The following URI1 variants were observed in gnomAD, a reference collection of about 807,000 sequenced individuals.
The protein encoded by URI1 is URI1 prefoldin like chaperone.
Under a neutral mutation model 60.2 loss-of-function variants are expected in URI1, and 39 were observed. The ratio of observed to expected loss-of-function variants is 0.65; its 90% confidence interval spans 0.50 to 0.85. The LOEUF is 0.85. Ranked by LOEUF, URI1 falls within the 40% of genes least tolerant of loss-of-function variation. The pLI, the probability that URI1 is intolerant of heterozygous loss-of-function variation, is 0.00. For synonymous variants in URI1, 251 were observed against 236.8 expected (o/e 1.06, Z -0.55); for missense variants, 691 against 665.9 (o/e 1.04, Z -0.42).
intron 2 of URI1, among the ~76,000 whole-genome samples, chr19:29,973,306 C>A (rs1287480292): frequency 6.6e-6 from 1 of 152,036 alleles, no homozygotes; most frequent in Non-Finnish European, 1.5e-5. Context: ...GTGCTATTTG[C>A]GGAGATATGA....
At chr19:29,965,887 A>C (rs1036028526) in intron 1 of URI1, among the ~76,000 whole-genome samples, 1 of 152,242 alleles carries the variant, frequency 6.6e-6, no homozygotes, top group African/African-American at 2.4e-5. Flanking sequence ...GTGTAAAACG[A>C]GACTAGATTG....
At chr19:29,937,904 C>G (rs1424501997), upstream of URI1, 1 of 152,146 alleles carries the variant, frequency 6.6e-6, no homozygotes, top group Admixed American at 6.5e-5. Flanking sequence ...AGAAATGGGG[C>G]ATGGCAGCTG....
chr19:29,965,798 A>G (rs1232316860), intron 1 of URI1, among the ~76,000 whole-genome samples: 1 of 152,136 alleles, frequency 6.6e-6, no homozygotes, highest in East Asian at 1.9e-4. Context: ...GAAAGAAAAA[A>G]AGAGCCCAGT....
intron 4 of URI1, among the ~76,000 whole-genome samples, chr19:30,002,136 T>C (rs1468840446): frequency 2.0e-5 from 3 of 152,028 alleles, no homozygotes; most frequent in African/African-American, 7.2e-5. Context: ...TACATATGAA[T>C]ATATGGCTAA....
chr19:29,936,900 G>A (rs565177490), intron 1 of URI1, among the ~76,000 whole-genome samples: 21 of 152,130 alleles, frequency 1.4e-4, no homozygotes, highest in African/African-American at 3.6e-4. Flanking sequence ...TTACAGGTGC[G>A]CGTCACAATG....
intron 10 of URI1, among the ~76,000 whole-genome samples, chr19:30,013,429 G>A (rs1254838755): frequency 6.6e-6 from 1 of 152,100 alleles, no homozygotes; most frequent in Non-Finnish European, 1.5e-5. Context: ...CCTCTTCTTA[G>A]TATAATGATC....
intron 1 of URI1, among the ~76,000 whole-genome samples, chr19:29,929,599 A>AAAATTAAAG (rs1440530152): frequency 9.9e-5 from 15 of 152,146 alleles, no homozygotes; most frequent in African/African-American, 3.6e-4. Context: ...TCCATCTCAA[A>AAAATTAAAG]AAATTAAAGA....
intron 1 of URI1, among the ~76,000 whole-genome samples, chr19:29,944,163 A>G (rs1315194592): frequency 2.9e-5 from 2 of 68,414 alleles, no homozygotes; most frequent in South Asian, 5.0e-4. Flanking sequence ...ATATATATAT[A>G]TATATATATA....
At chr19:29,926,457 T>A (rs1430853773) in intron 1 of URI1, among the ~76,000 whole-genome samples, 4 of 152,080 alleles carry the variant, frequency 2.6e-5, no homozygotes, top group Non-Finnish European at 4.4e-5. Flanking sequence ...TTTTAAAAAA[T>A]TTTTTATAGA....
At chr19:29,925,990 G>C (rs554156262) in intron 1 of URI1, 4 of 152,400 alleles carry the variant, frequency 2.6e-5, no homozygotes, top group Admixed American at 6.5e-5. Context: ...ACCAGGACTG[G>C]GGGGAGGAAG....
At chr19:29,959,101 CTGT>C (rs992301239) in intron 1 of URI1, among the ~76,000 whole-genome samples, 2 of 152,086 alleles carry the variant, frequency 1.3e-5, no homozygotes, top group African/African-American at 2.4e-5. Context: ...AGTTTATACA[CTGT>C]TGTTATTGGT....
At chr19:29,989,730 C>G (rs2055722241) in intron 4 of URI1, among the ~76,000 whole-genome samples, 1 of 151,532 alleles carries the variant, frequency 6.6e-6, no homozygotes, top group South Asian at 2.1e-4. Flanking sequence ...AGCCACCGCA[C>G]CCCGCTGCAT....
intron 4 of URI1, among the ~76,000 whole-genome samples, chr19:29,992,848 C>A (rs73924144): frequency 3.3e-5 from 5 of 152,026 alleles, no homozygotes; most frequent in African/African-American, 9.7e-5. Context: ...TTTTGAACAC[C>A]GGTATATAGA....
intron 1 of URI1, among the ~76,000 whole-genome samples, chr19:29,925,338 T>C (rs1005149937): frequency 1.3e-5 from 2 of 152,214 alleles, no homozygotes; most frequent in African/African-American, 4.8e-5. Flanking sequence ...GTCCGGTACT[T>C]GGCATGCAGT....
Position 30,015,469 on chromosome 19 carries a change from A to G in URI1, c.*400A>G. The G allele has an allele frequency of 1.3e-6, 2 of 1,519,782 alleles. No individual in the cohort carries two copies. Among genetic ancestry groups the G allele is most frequent in the South Asian group, 1.2e-5 (1 of 80,808 alleles). The allele number at this position is 1,519,782 out of a possible 1,614,324, so 94.1% of individuals were successfully genotyped here. A position where few individuals can be genotyped will look rare whatever the true frequency, so the allele number is the denominator to read the frequency against. On this transcript the variant is annotated 3_prime_UTR_variant, in exon 11 of 11. Coordinates refer to ENST00000392271, the MANE Select transcript of URI1 (RefSeq NM_003796.3). ...AAGAAAATTTTAAAATTTCAAATAGATTCAACAATTACATTACTTGCTTTC... is the reference window on the plus strand; with the variant it reads ...AAGAAAATTTTAAAATTTCAAATAGGTTCAACAATTACATTACTTGCTTTC...
Position 29,935,700 on chromosome 19 carries a change from C to CTTTTTTTTTTTTTTTTTTTTTT in URI1, c.63+11960_63+11961insTTTTTTTTTTTTTTTTTTTTTT, listed in dbSNP as rs34820413. On this transcript the variant is annotated intron_variant, in intron 1 of 10. Transcript: ENST00000360605. ...TGGTAGGAAATTCTTGGTTGACAGT[C>CTTTTTTTTTTTTTTTTTTTTTT]TTTTTTTTTTTTTTCCCCAGGACTT... Among the ~76,000 whole-genome samples, 582 of 131,370 alleles carry CTTTTTTTTTTTTTTTTTTTTTT rather than the reference C, an allele frequency of 4.4e-3. 11 individuals carry two copies. The highest frequency in any genetic ancestry group is 0.016 in the East Asian group (64 of 3,916). The allele number at this position is 131,370 out of a possible 152,430, so 86.2% of individuals were successfully genotyped here. A position where few individuals can be genotyped will look rare whatever the true frequency, so the allele number is the denominator to read the frequency against.
chr19:29,997,284 G>A (rs1292604650), intron 4 of URI1, among the ~76,000 whole-genome samples: 1 of 152,044 alleles, frequency 6.6e-6, no homozygotes, highest in Non-Finnish European at 1.5e-5. Flanking sequence ...GGTAGTTTGT[G>A]TTTTTCTAGG....
intron 1 of URI1, among the ~76,000 whole-genome samples, chr19:29,930,169 C>T (rs2054904445): frequency 6.6e-6 from 1 of 152,060 alleles, no homozygotes; most frequent in Admixed American, 6.6e-5. Flanking sequence ...GAACTCCTGA[C>T]CTCAAGTGAT....
At chr19:29,953,666 C>G (rs185292159) in intron 1 of URI1, among the ~76,000 whole-genome samples, 1 of 145,534 alleles carries the variant, frequency 6.9e-6, no homozygotes, top group East Asian at 2.0e-4. Flanking sequence ...TTCCATAATT[C>G]TTCCATTTTC....
Sources: gnomAD v4.1 joint callset for allele counts (sites outside exome capture counted in the v4.1 genomes callset) on GRCh38, gnomAD v4.1.1 for gene constraint, MANE v1.5 for transcripts, NCBI Gene and HGNC (gene_info 2026-07-23, HGNC 2026-07-21) for gene names.